ETV5: variants seen among roughly 807,000 people sequenced by gnomAD.
ETV5 encodes ETS variant transcription factor 5.
ETV5 carries 10 observed loss-of-function variants against 70.0 expected under a neutral mutation model. The ratio of observed to expected loss-of-function variants is 0.14; its 90% CI spans 0.09 to 0.24. The LOEUF is 0.24. Ranked by LOEUF, ETV5 falls within the 10% of genes least tolerant of loss-of-function variation. The pLI is 1.00. For missense variants in ETV5, 453 were observed against 651.2 expected (o/e 0.70, Z 3.31); for synonymous variants, 216 against 242.2 (o/e 0.89, Z 1.01).
In ETV5 at chr3:186,105,196, A is replaced by G. The variant is rs1714558357; in HGVS notation, c.232+109T>C. 2 of 827,872 alleles carry G rather than the reference A, an allele frequency of 2.4e-6. No individual in the cohort carries two copies. The highest frequency in any genetic ancestry group is 3.5e-5 in the African/African-American group (2 of 57,932). 51.3% of individuals were successfully genotyped at this position (827,872 alleles called of 1,614,324 possible). A position where few individuals can be genotyped will look rare whatever the true frequency, so the allele number is the denominator to read the frequency against. On this transcript the variant is annotated intron_variant, in intron 5 of 12. Coordinates refer to ENST00000306376, the MANE Select transcript of ETV5 (RefSeq NM_004454.3). The surrounding 1 kb of genome is among the most constrained non-coding windows in gnomAD (Gnocchi z 4.5). ...TGAATTATTAGAAGAAACTAAATGC[A>G]TACTACTGTCTAAATCTGGCCATAG...
At chr3:186,082,667 C>T (rs1448086311) in intron 5 of ETV5, among the ~76,000 whole-genome samples, 1 of 152,196 alleles carries the variant, frequency 6.6e-6, no homozygotes, top group Non-Finnish European at 1.5e-5. Context: ...GATCCACCCA[C>T]CTTGGCCTCC....
chr3:186,095,493 T>C (rs570885743), intron 5 of ETV5, among the ~76,000 whole-genome samples: 1 of 152,338 alleles, frequency 6.6e-6, no homozygotes, highest in South Asian at 2.1e-4. Flanking sequence ...AAATTCATCC[T>C]TAAAATCTGA....
At chr3:186,072,805 A>G (rs986358963) in intron 7 of ETV5, among the ~76,000 whole-genome samples, 4 of 152,214 alleles carry the variant, frequency 2.6e-5, no homozygotes, top group Admixed American at 2.0e-4. Context: ...TGTCCCCAGG[A>G]TATCAGATGG....
chr3:186,073,553 A>T (rs1713698020), intron 7 of ETV5, among the ~76,000 whole-genome samples: 1 of 152,238 alleles, frequency 6.6e-6, no homozygotes, highest in Admixed American at 6.5e-5. Context: ...AATCATTTAA[A>T]AATACTCTCT....
At chr3:186,106,958 C>A in intron 1 of ETV5, 1 of 985,030 alleles carries the variant, frequency 1.0e-6, no homozygotes, top group South Asian at 4.7e-5. Context: ...CAGCTCTAAG[C>A]AATTCAAAAT....
Position 186,105,427 on chromosome 3 carries a change from A to C in ETV5, c.181+22T>G. 2 of 1,613,648 alleles carry C rather than the reference A, an allele frequency of 1.2e-6. No individual in the cohort carries two copies. Among genetic ancestry groups the C allele is most frequent in the Admixed American group, 3.3e-5 (2 of 59,998 alleles). On this transcript the variant is annotated intron_variant, in intron 4 of 12. Transcript: ENST00000306376. This position sits in a 1 kb window ranked among gnomAD's most constrained non-coding sequence, Gnocchi z 4.5. ...CACAGTAAAATGTTTTATATGGAAA[A>C]TAGGACATCCATGAAACTTGCCTTC...
In ETV5 at chr3:186,048,877, A is replaced by G; in HGVS notation, c.1312-17T>C. Reference sequence around the variant, plus strand: ...TCCAGCCACCTGCGGGAGAACACACACCTTACAGGGCCCAGTTGGAACAGG... The same window carrying G: ...TCCAGCCACCTGCGGGAGAACACACGCCTTACAGGGCCCAGTTGGAACAGG... On this transcript the variant is annotated splice_polypyrimidine_tract_variant and intron_variant, in intron 12 of 12. Transcript: ENST00000306376. 9 of 1,604,640 alleles carry G rather than the reference A, an allele frequency of 5.6e-6. No individual in the cohort carries two copies. The highest frequency in any genetic ancestry group is 7.7e-6 in the Non-Finnish European group (9 of 1,172,870).
chr3:186,079,720 G>C, intron 7 of ETV5, 97 bp downstream of exon 7: 2 of 1,345,400 alleles, frequency 1.5e-6, no homozygotes, highest in Non-Finnish European at 2.0e-6. Flanking sequence ...TAACTTTTTA[G>C]GAACCTGGTA....
At chr3:186,067,031 A>T (rs1338688881) in intron 7 of ETV5, among the ~76,000 whole-genome samples, 1 of 152,254 alleles carries the variant, frequency 6.6e-6, no homozygotes, top group African/African-American at 2.4e-5. Context: ...ATTGTGGCTC[A>T]TGCCAGTAAT....
At chr3:186,083,225 G>A (rs1713973645) in intron 5 of ETV5, among the ~76,000 whole-genome samples, 1 of 152,168 alleles carries the variant, frequency 6.6e-6, no homozygotes, top group African/African-American at 2.4e-5. Flanking sequence ...CCAGTCTTCT[G>A]CTATAAAAGT....
intron 11 of ETV5, among the ~76,000 whole-genome samples, chr3:186,055,067 TTAAG>T (rs1713124521): frequency 6.6e-6 from 1 of 152,230 alleles, no homozygotes; most frequent in South Asian, 2.1e-4. Flanking sequence ...AGTTTCTTTA[TTAAG>T]TAAGAAAGCA....
intron 5 of ETV5, among the ~76,000 whole-genome samples, chr3:186,089,494 T>C (rs986717871): frequency 2.6e-4 from 39 of 152,210 alleles, no homozygotes; most frequent in African/African-American, 9.4e-4. Context: ...TCCTCAAACA[T>C]GCACAAATGA....
At chr3:186,050,931 G>T (rs1233171147) in intron 12 of ETV5, among the ~76,000 whole-genome samples, 1 of 152,162 alleles carries the variant, frequency 6.6e-6, no homozygotes, top group East Asian at 1.9e-4. Context: ...AGTTTAATAG[G>T]TGTCTTCCAT....
At chr3:186,058,684 C>G (rs1220911043) in intron 9 of ETV5, among the ~76,000 whole-genome samples, 5 of 152,174 alleles carry the variant, frequency 3.3e-5, no homozygotes, top group African/African-American at 9.7e-5. Context: ...GCCATAATAA[C>G]AAGTGCTATG....
intron 5 of ETV5, among the ~76,000 whole-genome samples, chr3:186,101,728 C>T (rs980331496): frequency 2.6e-5 from 4 of 152,168 alleles, no homozygotes; most frequent in African/African-American, 9.7e-5. Context: ...TATACATCTT[C>T]CTCTTACTTC....
intron 7 of ETV5, among the ~76,000 whole-genome samples, chr3:186,077,510 G>A (rs1396562920): frequency 6.6e-6 from 1 of 152,118 alleles, no homozygotes; most frequent in Non-Finnish European, 1.5e-5. Context: ...GATATCACGT[G>A]GATGACCATA....
intron 5 of ETV5, among the ~76,000 whole-genome samples, chr3:186,098,266 C>T (rs1340448688): frequency 6.6e-6 from 1 of 152,212 alleles, no homozygotes; most frequent in Non-Finnish European, 1.5e-5. Context: ...TAGCTACCAG[C>T]GGAGAGAAAC....
intron 7 of ETV5, chr3:186,078,251 G>C: frequency 9.9e-7 from 1 of 1,005,290 alleles, no homozygotes; most frequent in Non-Finnish European, 1.2e-6. Context: ...GGAAATATTA[G>C]ATAAAGGAAT....
rs1167819091 is a variant in ETV5 at position 186,105,343 on chromosome 3, T to A, written c.194A>T (p.Asp65Val). 1.2e-6 allele frequency: 2 copies of A among 1,613,480 alleles called. No individual in the cohort carries two copies. The highest frequency in any genetic ancestry group is 1.7e-6 in the Non-Finnish European group (2 of 1,179,864). ...AAAATCTGGGACAAACTGTTCATCA[T>A]CAGGAACTTGTGCTGGAAAATAGAT... ...EAWLAEAQVP[D>V]DEQFVPDFQS... The change falls in exon 5 of 13, where the codon GAT becomes GTT. Residue 65 changes from aspartate to valine, a missense_variant. Coordinates refer to ENST00000306376, the MANE Select transcript of ETV5 (RefSeq NM_004454.3). This position sits in a 1 kb window ranked among gnomAD's most constrained non-coding sequence, Gnocchi z 4.5.
Sources: allele counts gnomAD v4.1 joint callset (sites outside exome capture counted in the v4.1 genomes callset), GRCh38; gene constraint gnomAD v4.1.1; non-coding constraint Gnocchi (gnomAD v3.1); transcripts MANE v1.5; gene names NCBI Gene and HGNC (gene_info 2026-07-23, HGNC 2026-07-21).